MACROD2: variants seen among roughly 807,000 people sequenced by gnomAD.
MACROD2 encodes the protein ADP-ribose glycohydrolase MACROD2.
A neutral mutation model predicts 70.4 loss-of-function variants in MACROD2; 36 were observed. That is an observed-to-expected ratio of 0.51 (90% CI 0.39 to 0.68). The LOEUF (loss-of-function observed/expected upper bound fraction) is 0.68. Among genes scored for constraint, MACROD2 ranks in the 30% least tolerant of loss-of-function variants. MACROD2 has a pLI of 0.00. For missense variants in MACROD2, 496 were observed against 538.4 expected (o/e 0.92, Z 0.78); for synonymous variants, 172 against 178.8 (o/e 0.96, Z 0.30).
chr20:15,433,269 T>C (rs2146360829), intron 7 of MACROD2, among the ~76,000 whole-genome samples: 1 of 152,066 alleles, frequency 6.6e-6, no homozygotes, highest in South Asian at 2.1e-4. Context: ...AGACTGTTGC[T>C]GTTCTCTATA....
intron 3 of MACROD2, among the ~76,000 whole-genome samples, chr20:14,193,508 T>G (rs2081405131): frequency 6.6e-6 from 1 of 152,034 alleles, no homozygotes; most frequent in South Asian, 2.1e-4. Flanking sequence ...TGGGCAGGGT[T>G]AAGGGCACAA....
At chr20:14,160,748 T>G (rs1186729198) in intron 3 of MACROD2, among the ~76,000 whole-genome samples, 1 of 152,086 alleles carries the variant, frequency 6.6e-6, no homozygotes, top group Non-Finnish European at 1.5e-5. Flanking sequence ...TATTTTTTCT[T>G]CTCCTAATTT....
At chr20:14,728,290 C>T (rs752345358) in intron 5 of MACROD2, among the ~76,000 whole-genome samples, 3 of 152,130 alleles carry the variant, frequency 2.0e-5, no homozygotes, top group African/African-American at 7.2e-5. Context: ...GGACTGTGAA[C>T]AAATGAATTA....
chr20:15,936,241 G>GTA (rs2065657274), intron 11 of MACROD2, among the ~76,000 whole-genome samples: 1 of 144,440 alleles, frequency 6.9e-6, no homozygotes, highest in Non-Finnish European at 1.5e-5. Context: ...AGTCCATGTA[G>GTA]TATATATATG....
chr20:15,548,447 G>A (rs964843808), intron 8 of MACROD2, among the ~76,000 whole-genome samples: 4 of 152,092 alleles, frequency 2.6e-5, no homozygotes, highest in African/African-American at 9.7e-5. Flanking sequence ...CCAGGCTGGA[G>A]TGCAGTGGCG....
chr20:14,653,418 C>G (rs1985796212), intron 4 of MACROD2, among the ~76,000 whole-genome samples: 1 of 151,960 alleles, frequency 6.6e-6, no homozygotes, highest in South Asian at 2.1e-4. Flanking sequence ...CGGAGTTTCA[C>G]CATGTTAGCC....
chr20:15,664,284 A>G (rs1487958887), intron 8 of MACROD2, among the ~76,000 whole-genome samples: 1 of 152,208 alleles, frequency 6.6e-6, no homozygotes, highest in Non-Finnish European at 1.5e-5. Context: ...TTGAACCACC[A>G]AGGGTTTAGA....
At chr20:15,893,744 C>G (rs1381934324) in intron 10 of MACROD2, 3 of 456,700 alleles carry the variant, frequency 6.6e-6, no homozygotes, top group Non-Finnish European at 1.3e-5. Context: ...TCTTTCTTGC[C>G]TGGATCCCCA....
At chr20:15,310,992 G>T (rs117369682) in intron 6 of MACROD2, among the ~76,000 whole-genome samples, 52 of 152,230 alleles carry the variant, frequency 3.4e-4, no homozygotes, top group Non-Finnish European at 6.8e-4. Flanking sequence ...ATGTTTTACT[G>T]CCCAATAAAC....
chr20:14,021,147 G>T (rs1188367406), intron 2 of MACROD2, among the ~76,000 whole-genome samples: 2 of 151,894 alleles, frequency 1.3e-5, no homozygotes, highest in Non-Finnish European at 2.9e-5. Flanking sequence ...CCACCACCAT[G>T]CCCAGCTAAT....
At chr20:14,771,670 CAT>C (rs371522214) in intron 5 of MACROD2, among the ~76,000 whole-genome samples, 24,187 of 133,034 alleles carry the variant, frequency 0.18, 2,013 homozygotes, top group Non-Finnish European at 0.2. Context: ...CACACACACA[CAT>C]ATATATATAT....
intron 5 of MACROD2, among the ~76,000 whole-genome samples, chr20:14,809,636 A>T (rs374890064): frequency 1.3e-5 from 2 of 152,064 alleles, no homozygotes; most frequent in Non-Finnish European, 2.9e-5. Context: ...AAAAAAATCA[A>T]TGAATCCAGG....
At chr20:14,862,011 A>ATT (rs2073327915) in intron 5 of MACROD2, among the ~76,000 whole-genome samples, 1 of 23,602 alleles carries the variant, frequency 4.2e-5, no homozygotes, top group African/African-American at 1.9e-4. Flanking sequence ...ATATTTATAT[A>ATT]TATATATTTA....
chr20:14,369,648 G>C (rs755953594), intron 3 of MACROD2, among the ~76,000 whole-genome samples: 5 of 151,978 alleles, frequency 3.3e-5, no homozygotes, highest in Non-Finnish European at 7.4e-5. Flanking sequence ...TTACTTTCAG[G>C]GCTTTAGTTA....
At chr20:14,427,199 TTTAC>T (rs1469809485) in intron 3 of MACROD2, among the ~76,000 whole-genome samples, 1 of 152,086 alleles carries the variant, frequency 6.6e-6, no homozygotes, top group East Asian at 1.9e-4. Flanking sequence ...TCTGTCTTTC[TTTAC>T]TTGTCATGCC....
chr20:15,159,152 C>CA (rs766594227), intron 5 of MACROD2, among the ~76,000 whole-genome samples: 79 of 151,922 alleles, frequency 5.2e-4, no homozygotes, highest in Non-Finnish European at 7.8e-4. Flanking sequence ...TCATAGAATA[C>CA]AAAAAAATTC....
chr20:15,644,661 G>C (rs1006734264), intron 8 of MACROD2, among the ~76,000 whole-genome samples: 1 of 152,076 alleles, frequency 6.6e-6, no homozygotes, highest in African/African-American at 2.4e-5. Context: ...TTGAAAGATG[G>C]GTGATCTATC....
At chr20:15,574,566 T>G (rs1053777915) in intron 8 of MACROD2, among the ~76,000 whole-genome samples, 3 of 152,276 alleles carry the variant, frequency 2.0e-5, no homozygotes, top group Non-Finnish European at 4.4e-5. Context: ...TTTTAGAAGA[T>G]TTTTAGCTCT....
At chr20:15,200,961 C>T (rs2076650903) in intron 5 of MACROD2, among the ~76,000 whole-genome samples, 1 of 152,116 alleles carries the variant, frequency 6.6e-6, no homozygotes, top group Non-Finnish European at 1.5e-5. Flanking sequence ...CTAGGAAGCT[C>T]ATTAAACACA....
Sources: gnomAD v4.1 joint callset for allele counts (sites outside exome capture counted in the v4.1 genomes callset) on GRCh38, gnomAD v4.1.1 for gene constraint, MANE v1.5 for transcripts, NCBI Gene and HGNC (gene_info 2026-07-23, HGNC 2026-07-21) for gene names.